Variants in TFAP2A observed in about 807,000 individuals in gnomAD.
The protein encoded by TFAP2A is transcription factor AP-2 alpha.
Under a neutral mutation model 41.5 loss-of-function variants are expected in TFAP2A, and 7 were observed. The ratio of observed to expected loss-of-function variants is 0.17; its 90% CI spans 0.10 to 0.32. The LOEUF (loss-of-function observed/expected upper bound fraction) is 0.32. Among genes scored for constraint, TFAP2A ranks in the 10% least tolerant of loss-of-function variants. The probability of loss-of-function intolerance (pLI) is 1.00; values close to 1 mark genes in which losing one functional copy is unlikely to be tolerated. For synonymous variants in TFAP2A, 247 were observed against 242.8 expected (o/e 1.02, Z -0.16); for missense variants, 416 against 563.3 (o/e 0.74, Z 2.65).
rs1200819264 is a variant in TFAP2A at position 10,398,815 on chromosome 6, GTACCTGA to G, written c.1032-117_1032-111del. The G allele has an allele frequency of 7.5e-7, 1 of 1,330,502 alleles. No homozygotes were observed. The highest frequency in any genetic ancestry group is 1.0e-6 in the Non-Finnish European group (1 of 970,168). 82.4% of individuals were successfully genotyped at this position (1,330,502 alleles called of 1,614,324 possible). A position where few individuals can be genotyped will look rare whatever the true frequency, so the allele number is the denominator to read the frequency against. On this transcript the variant is annotated intron_variant, in intron 6 of 6. Transcript: ENST00000379613. This position sits in a 1 kb window ranked among gnomAD's most constrained non-coding sequence, Gnocchi z 5.3. ...AGCTACCTCTGCCGGGATCCAGCCG[GTACCTGA>G]CATGACCCAAGACCCCAGAGACAGA...
At position 10,398,008 on chromosome 6, in the gene TFAP2A, A is replaced by G; in HGVS notation, c.*409T>C. The G allele has an allele frequency of 9.6e-7, 1 of 1,040,578 alleles. No homozygotes were observed. The highest frequency in any genetic ancestry group is 1.2e-6 in the Non-Finnish European group (1 of 869,192). 64.5% of individuals were successfully genotyped at this position (1,040,578 alleles called of 1,614,324 possible). ...CCATGAAGCGCATATAATTTTTTTT[A>G]TTTTCACTTTTTTTTTAGAAAAAAG... is the stretch of plus-strand genomic sequence containing the variant. On this transcript the variant is annotated 3_prime_UTR_variant, in exon 7 of 7. Coordinates refer to ENST00000379613, the MANE Select transcript of TFAP2A (RefSeq NM_001372066.1). The surrounding 1 kb of genome is among the most constrained non-coding windows in gnomAD (Gnocchi z 5.3).
intron 2 of TFAP2A, chr6:10,409,209 CAAAT>C (rs912764077): frequency 2.6e-5 from 4 of 152,182 alleles, no homozygotes; most frequent in African/African-American, 4.8e-5. Context: ...AATTAGAACT[CAAAT>C]AATGTATTAC....
chr6:10,419,550 T>C (rs1758358327), upstream of TFAP2A: 3 of 1,463,236 alleles, frequency 2.1e-6, no homozygotes, highest in Admixed American at 1.7e-5. Context: ...CCTCCTTTTT[T>C]ACCTGCTCAC....
At chr6:10,415,372 C>G (rs1280547588), upstream of TFAP2A, 5 of 931,568 alleles carry the variant, frequency 5.4e-6, no homozygotes, top group East Asian at 2.5e-4. Context: ...GCCGGCCGCT[C>G]CGACACAGGT....
At chr6:10,412,470 A>AGAGGGAGG (rs1268920508) in intron 1 of TFAP2A, 23 of 118,510 alleles carry the variant, frequency 1.9e-4, no homozygotes, top group Non-Finnish European at 3.3e-4. Flanking sequence ...AGGGAGGGAA[A>AGAGGGAGG]GAGGGAGGGA....
rs1175482781 is a variant in TFAP2A at position 10,409,889 on chromosome 6, G to C, written c.486+12C>G. The C allele has an allele frequency of 6.5e-7, 1 of 1,547,880 alleles. No homozygotes were observed. The highest frequency in any genetic ancestry group is 1.2e-5 in the South Asian group (1 of 84,034). On this transcript the variant is annotated intron_variant, in intron 2 of 6. Coordinates refer to ENST00000379613, the MANE Select transcript of TFAP2A (RefSeq NM_001372066.1). Reference sequence around the variant, plus strand: ...CTGTGTTCCCTCCCGCGCTGGTTGCGCGGCCTCTTACCGGGACCTCCTCGA... The same window carrying C: ...CTGTGTTCCCTCCCGCGCTGGTTGCCCGGCCTCTTACCGGGACCTCCTCGA...
At chr6:10,415,219 G>A, upstream of TFAP2A, 3 of 1,473,568 alleles carry the variant, frequency 2.0e-6, no homozygotes, top group Non-Finnish European at 2.7e-6. Context: ...GAGGAGGAGA[G>A]AAGGGAAAGA....
rs654351 is a variant in TFAP2A at position 10,414,773 on chromosome 6, G to C, written c.51+168C>G. ...AAGGGAGCATCCACGTCCTCTCTCT[G>C]CAGCTTCTCCCCCGCGTTCTTCGGG... On this transcript the variant is annotated intron_variant, in intron 1 of 6. Coordinates refer to ENST00000379613, the MANE Select transcript of TFAP2A (RefSeq NM_001372066.1). 0.62 allele frequency: 555,135 copies of C among 898,500 alleles called. 175,236 individuals carry two copies. The highest frequency in any genetic ancestry group is 0.88 in the African/African-American group (53,613 of 61,174). 55.7% of individuals were successfully genotyped at this position (898,500 alleles called of 1,614,324 possible).
At chr6:10,419,470 C>A (rs762053754), upstream of TFAP2A, 1 of 1,614,162 alleles carries the variant, frequency 6.2e-7, no homozygotes, top group South Asian at 1.1e-5. Context: ...GCGCTCCTGG[C>A]GACTGGTCCC....
In TFAP2A at chr6:10,397,218, AAG is replaced by A. The variant is rs1026110190; in HGVS notation, c.*1197_*1198del. On this transcript the variant is annotated 3_prime_UTR_variant, in exon 7 of 7. Transcript: ENST00000379613. ...AAATGTTTGAAGTTCTTTGAACAGA[AAG>A]AGAGAGGAGAGAGAGAGAGAGAGGA... 6.6e-5 allele frequency: 10 copies of A among 152,150 alleles called. No individual in the cohort carries two copies. The highest frequency in any genetic ancestry group is 2.4e-4 in the African/African-American group (10 of 41,426). 9.4% of individuals were successfully genotyped at this position (152,150 alleles called of 1,614,324 possible).
chr6:10,406,552 T>C (rs949592279), intron 3 of TFAP2A: 10 of 560,190 alleles, frequency 1.8e-5, no homozygotes, highest in Non-Finnish European at 3.2e-5. Context: ...TGTGTGTTTG[T>C]CCAAATATCA....
chr6:10,409,415 A>G (rs1316740576), intron 2 of TFAP2A: 2 of 178,738 alleles, frequency 1.1e-5, no homozygotes, highest in Admixed American at 1.1e-4. Context: ...CATAACTTTT[A>G]GGTTTCACTT....
intron 4 of TFAP2A, 88 bp from the exon 5 acceptor site, chr6:10,402,698 A>T: frequency 9.6e-7 from 1 of 1,041,906 alleles, no homozygotes; most frequent in Admixed American, 1.7e-5. Context: ...GCTTCCTAAA[A>T]TGTGCTTTCA....
chr6:10,417,631 G>A (rs184818481), upstream of TFAP2A, among the ~76,000 whole-genome samples: 24 of 152,320 alleles, frequency 1.6e-4, no homozygotes, highest in African/African-American at 5.8e-4. Flanking sequence ...GTATTTGTGT[G>A]AGAGACAGAG....
chr6:10,404,269 C>A (rs1026914460), intron 4 of TFAP2A, among the ~76,000 whole-genome samples: 6 of 152,232 alleles, frequency 3.9e-5, no homozygotes, highest in Non-Finnish European at 8.8e-5. Flanking sequence ...GAACGAAGCG[C>A]GCACCAGAAC....
At chr6:10,413,984 C>G (rs1241842009) in intron 1 of TFAP2A, among the ~76,000 whole-genome samples, 3 of 152,232 alleles carry the variant, frequency 2.0e-5, no homozygotes, top group African/African-American at 7.2e-5. Flanking sequence ...TGGTTGTAAC[C>G]GTTCCCAGCG....
chr6:10,410,456 C>T, intron 1 of TFAP2A, 121 bp from the exon 2 acceptor site: 1 of 973,440 alleles, frequency 1.0e-6, no homozygotes, highest in Non-Finnish European at 1.6e-6. Context: ...GGCTGGCCGC[C>T]GGGAAAAAAT....
upstream of TFAP2A, chr6:10,419,461 C>T: frequency 1.2e-6 from 2 of 1,614,150 alleles, no homozygotes; most frequent in Non-Finnish European, 1.7e-6. Context: ...CGCGGCTCTG[C>T]GCTCCTGGCG....
chr6:10,404,746 A>C lies in TFAP2A; in HGVS notation c.539-7T>G. The C allele has an allele frequency of 6.2e-7, 1 of 1,613,172 alleles. No homozygotes were observed. The highest frequency in any genetic ancestry group is 8.5e-7 in the Non-Finnish European group (1 of 1,179,130). On this transcript the variant is annotated splice_polypyrimidine_tract_variant and splice_region_variant and intron_variant, in intron 3 of 6. Coordinates refer to ENST00000379613, the MANE Select transcript of TFAP2A (RefSeq NM_001372066.1). ...TTGGACAGGGACACGGGGCCTGCGG[A>C]GACAGAGGGGAGGCCGCGTGTTGGG... is the stretch of plus-strand genomic sequence containing the variant.
Sources: gnomAD v4.1 joint callset for allele counts (sites outside exome capture counted in the v4.1 genomes callset) on GRCh38, gnomAD v4.1.1 for gene constraint, Gnocchi (gnomAD v3.1) non-coding constraint, MANE v1.5 for transcripts, NCBI Gene and HGNC (gene_info 2026-07-23, HGNC 2026-07-21) for gene names.